The following TOGARAM1 variants were observed in gnomAD, a reference collection of about 807,000 sequenced individuals.
TOGARAM1 encodes the protein TOG array regulator of axonemal microtubules protein 1.
TOGARAM1 carries 100 observed loss-of-function variants against 166.6 expected under a neutral mutation model. That is an observed-to-expected ratio of 0.60 (90% CI 0.51 to 0.71). TOGARAM1 has a LOEUF of 0.71. Among genes scored for constraint, TOGARAM1 ranks in the 30% least tolerant of loss-of-function variants. The pLI, the probability that TOGARAM1 is intolerant of heterozygous loss-of-function variation, is 0.00. For missense variants in TOGARAM1, 2,029 were observed against 2,102.7 expected, an observed-to-expected ratio of 0.96 and a Z score of 0.69; for synonymous variants, 758 against 763.8, an observed-to-expected ratio of 0.99 and a Z score of 0.13.
chr14:45,027,296 C>A lies in TOGARAM1; in HGVS notation c.3329-3C>A. ...TGACTATTTGGTGGTTGGTTGATTT[C>A]AGGCGTATTTGGAAGTTTAAGTTCA... On this transcript the variant is annotated splice_polypyrimidine_tract_variant and splice_region_variant and intron_variant, in intron 8 of 19. Transcript: ENST00000361462. 6.2e-7 allele frequency: 1 copy of A among 1,612,156 alleles called. No individual in the cohort carries two copies. The highest frequency in any genetic ancestry group is 1.1e-5 in the South Asian group (1 of 90,580).
chr14:44,991,843 T>C (rs957704990), intron 1 of TOGARAM1, among the ~76,000 whole-genome samples: 1 of 151,960 alleles, frequency 6.6e-6, no homozygotes, highest in African/African-American at 2.4e-5. Flanking sequence ...AATTTAAGTT[T>C]ATATCTTATT....
intron 18 of TOGARAM1, among the ~76,000 whole-genome samples, chr14:45,069,420 T>G (rs1205360573): frequency 6.6e-6 from 1 of 151,744 alleles, no homozygotes. Flanking sequence ...AGCTACAGAC[T>G]GGGAAAAATA....
intron 17 of TOGARAM1, among the ~76,000 whole-genome samples, chr14:45,067,439 T>C (rs915047291): frequency 1.1e-4 from 16 of 152,286 alleles, no homozygotes; most frequent in African/African-American, 3.8e-4. Flanking sequence ...TGTACCTATC[T>C]TTAGGAAGAC....
intron 1 of TOGARAM1, among the ~76,000 whole-genome samples, chr14:44,987,268 A>G (rs998490534): frequency 5.3e-5 from 8 of 151,928 alleles, no homozygotes; most frequent in African/African-American, 1.9e-4. Context: ...AAGAGACAAT[A>G]TATTTAAAAT....
chr14:45,003,566 T>C (rs903315439), intron 3 of TOGARAM1, among the ~76,000 whole-genome samples: 7 of 152,132 alleles, frequency 4.6e-5, no homozygotes, highest in African/African-American at 9.7e-5. Flanking sequence ...TTAAGAGCAT[T>C]ACCTAAAATA....
chr14:44,983,695 CTAA>C (rs1886647932), intron 1 of TOGARAM1, among the ~76,000 whole-genome samples: 1 of 152,158 alleles, frequency 6.6e-6, no homozygotes, highest in South Asian at 2.1e-4. Context: ...TTAAATTGTA[CTAA>C]TGTGTTTGGT....
chr14:44,962,238 C>G lies in TOGARAM1; in HGVS notation c.-184C>G. 3.1e-6 allele frequency: 2 copies of G among 636,924 alleles called. No individual in the cohort carries two copies. The highest frequency in any genetic ancestry group is 2.6e-5 in the South Asian group (1 of 38,058). The allele number at this position is 636,924 out of a possible 1,614,324, so 39.5% of individuals were successfully genotyped here. A position where few individuals can be genotyped will look rare whatever the true frequency, so the allele number is the denominator to read the frequency against. On this transcript the variant is annotated 5_prime_UTR_variant, in exon 1 of 20. Transcript: ENST00000361462. ...GGTGGCAGCTGTGGGGTCTAGGGCT[C>G]AGACGGGGGCCATTTTGCCAGAGGC...
chr14:44,965,679 T>G (rs1469411843), intron 1 of TOGARAM1, among the ~76,000 whole-genome samples: 1 of 152,156 alleles, frequency 6.6e-6, no homozygotes, highest in East Asian at 1.9e-4. Flanking sequence ...TTTTACTGTT[T>G]GGATAAGGTG....
intron 3 of TOGARAM1, among the ~76,000 whole-genome samples, chr14:45,001,621 C>A (rs1039191962): frequency 6.6e-6 from 1 of 152,104 alleles, no homozygotes; most frequent in Non-Finnish European, 1.5e-5. Context: ...TCAAAGAAGA[C>A]ATATACATGT....
chr14:45,012,352 G>A (rs1879859091), intron 7 of TOGARAM1, among the ~76,000 whole-genome samples: 1 of 152,154 alleles, frequency 6.6e-6, no homozygotes, highest in African/African-American at 2.4e-5. Context: ...GGTGTGGAGT[G>A]TTATTTAGCT....
chr14:45,027,719 A>G (rs1218116549), intron 9 of TOGARAM1, among the ~76,000 whole-genome samples: 2 of 152,086 alleles, frequency 1.3e-5, no homozygotes, highest in African/African-American at 4.8e-5. Context: ...GAAAAATACA[A>G]AAATGTAGCT....
intron 2 of TOGARAM1, among the ~76,000 whole-genome samples, chr14:44,999,026 C>T (rs892196335): frequency 6.6e-6 from 1 of 152,106 alleles, no homozygotes; most frequent in Non-Finnish European, 1.5e-5. Flanking sequence ...TTGGGTAATG[C>T]GTATACTACA....
chr14:44,970,621 T>C (rs561591900), intron 1 of TOGARAM1, among the ~76,000 whole-genome samples: 12 of 152,306 alleles, frequency 7.9e-5, no homozygotes, highest in South Asian at 4.1e-4. Context: ...TTGTTTCTAA[T>C]CTTAGTGGGA....
At chr14:45,056,621 A>G (rs1019657420) in intron 16 of TOGARAM1, among the ~76,000 whole-genome samples, 3 of 152,040 alleles carry the variant, frequency 2.0e-5, no homozygotes, top group Admixed American at 2.0e-4. Context: ...CTTTGAGATA[A>G]TCATATGGTT....
At chr14:45,072,032 A>C (rs1395636482) in intron 19 of TOGARAM1, among the ~76,000 whole-genome samples, 2 of 152,174 alleles carry the variant, frequency 1.3e-5, no homozygotes, top group Non-Finnish European at 2.9e-5. Flanking sequence ...TAGTGTAGCC[A>C]AATGCAGTGC....
intron 1 of TOGARAM1, among the ~76,000 whole-genome samples, chr14:44,975,912 A>G (rs1226300446): frequency 6.6e-6 from 1 of 151,654 alleles, no homozygotes; most frequent in Non-Finnish European, 1.5e-5. Flanking sequence ...GGTAGTATTG[A>G]GAGTGCCATG....
chr14:45,053,124 C>T (rs1199197113), intron 15 of TOGARAM1, among the ~76,000 whole-genome samples: 2 of 148,278 alleles, frequency 1.3e-5, no homozygotes, highest in East Asian at 2.0e-4. Context: ...CTACAACCTC[C>T]ACCTCTTGGG....
intron 7 of TOGARAM1, among the ~76,000 whole-genome samples, chr14:45,024,239 T>G (rs1393857274): frequency 6.6e-6 from 1 of 152,192 alleles, no homozygotes; most frequent in Non-Finnish European, 1.5e-5. Flanking sequence ...ATTAATAACT[T>G]GAGAAAGTGG....
intron 11 of TOGARAM1, among the ~76,000 whole-genome samples, chr14:45,034,098 A>C (rs567435610): frequency 6.6e-6 from 1 of 152,326 alleles, no homozygotes; most frequent in East Asian, 1.9e-4. Context: ...CAGAGGTTGC[A>C]GTGAACCGAG....
Sources: gnomAD v4.1 joint callset for allele counts (sites outside exome capture counted in the v4.1 genomes callset) on GRCh38, gnomAD v4.1.1 for gene constraint, MANE v1.5 for transcripts, NCBI Gene and HGNC (gene_info 2026-07-23, HGNC 2026-07-21) for gene names.